The following MFN2 variants were observed in gnomAD, a reference collection of about 807,000 sequenced individuals.
MFN2 encodes the protein mitofusin-2.
A neutral mutation model predicts 87.5 loss-of-function variants in MFN2; 43 were observed. That is an observed-to-expected ratio of 0.49 (90% CI 0.38 to 0.63). The LOEUF (loss-of-function observed/expected upper bound fraction) is 0.63, where lower values mean the gene tolerates loss of function less well. Ranked by LOEUF, MFN2 falls within the 30% of genes least tolerant of loss-of-function variation. MFN2 has a pLI of 0.00. For synonymous variants in MFN2, 337 were observed against 359.9 expected (o/e 0.94, Z 0.72); for missense variants, 743 against 972.8 (o/e 0.76, Z 3.14).
At chr1:12,000,975 C>T (rs1423363890) in intron 8 of MFN2, among the ~76,000 whole-genome samples, 1 of 152,180 alleles carries the variant, frequency 6.6e-6, no homozygotes, top group Non-Finnish European at 1.5e-5. Context: ...GGACATTACA[C>T]TGTGTATGTG....
chr1:11,998,127 C>T (rs1185135952), intron 6 of MFN2, among the ~76,000 whole-genome samples: 3 of 151,612 alleles, frequency 2.0e-5, no homozygotes, highest in African/African-American at 7.3e-5. Context: ...CATGATCCGC[C>T]CACCTTAGCC....
rs561579167 is a variant in MFN2 at position 12,013,390 on chromosome 1, C to T, written c.*1825C>T. 2 of 471,258 alleles carry T rather than the reference C, an allele frequency of 4.2e-6. No homozygotes were observed. The highest frequency in any genetic ancestry group is 7.0e-5 in the East Asian group (1 of 14,386). The allele number at this position is 471,258 out of a possible 1,614,324, so 29.2% of individuals were successfully genotyped here. ...GTTTTTATGTTCATTTGCTGGAGCG[C>T]AAGACGTGCTGACACAGTGAGTTTT... On this transcript the variant is annotated 3_prime_UTR_variant, in exon 19 of 19. Coordinates refer to ENST00000235329, the MANE Select transcript of MFN2 (RefSeq NM_014874.4).
At chr1:11,995,734 C>G (rs987857507) in intron 4 of MFN2, among the ~76,000 whole-genome samples, 2 of 152,056 alleles carry the variant, frequency 1.3e-5, no homozygotes, top group Non-Finnish European at 2.9e-5. Context: ...TAAGGAGGAG[C>G]GTGATGGGAG....
rs1638663536 is a variant in MFN2, at chr1:11,991,307, G to C, written c.176-1248G>C. On this transcript the variant is annotated intron_variant, in intron 3 of 18. Coordinates refer to ENST00000235329, the MANE Select transcript of MFN2 (RefSeq NM_014874.4). ...AGCTGTACAGTTACCTTATGGTGAG[G>C]TGAGAGCTGAGATGGGAGAAGTGCA... Among the ~76,000 whole-genome samples the C allele has an allele frequency of 2.0e-5, 3 of 152,330 alleles. No homozygotes were observed. The South Asian group carries it at 6.2e-4, about 32-fold the overall frequency.
chr1:12,003,890 G>A lies in MFN2; in HGVS notation c.1161-102G>A. ...GGGTGCGTGTGTGCAGCCCTGCCAG[G>A]CAAGATAGCGGGCAGGGCGGCGTGG... On this transcript the variant is annotated intron_variant, in intron 11 of 18. Coordinates refer to ENST00000235329, the MANE Select transcript of MFN2 (RefSeq NM_014874.4). The surrounding 1 kb of genome is among the most constrained non-coding windows in gnomAD (Gnocchi z 4.1). 6.7e-7 allele frequency: 1 copy of A among 1,497,012 alleles called. No homozygotes were observed. Among genetic ancestry groups the A allele is most frequent in the African/African-American group, 1.4e-5 (1 of 72,668 alleles). 92.7% of individuals were successfully genotyped at this position (1,497,012 alleles called of 1,614,324 possible).
Position 12,013,384 on chromosome 1 carries a change from G to A in MFN2, c.*1819G>A. 2.1e-6 allele frequency: 1 copy of A among 471,370 alleles called. No homozygotes were observed. The highest frequency in any genetic ancestry group is 1.6e-5 in the South Asian group (1 of 64,400). The allele number at this position is 471,370 out of a possible 1,614,324, so 29.2% of individuals were successfully genotyped here. ...ATTGTTGTTTTTATGTTCATTTGCT[G>A]GAGCGCAAGACGTGCTGACACAGTG... is the stretch of plus-strand genomic sequence containing the variant. On this transcript the variant is annotated 3_prime_UTR_variant, in exon 19 of 19. Transcript: ENST00000235329.
chr1:12,000,382 G>T (rs1351177742), intron 8 of MFN2, among the ~76,000 whole-genome samples: 3 of 151,968 alleles, frequency 2.0e-5, no homozygotes, highest in Non-Finnish European at 2.9e-5. Flanking sequence ...TAGAGATGGG[G>T]TTTCACCATG....
At chr1:11,996,533 C>T (rs1447649774) in intron 5 of MFN2, among the ~76,000 whole-genome samples, 2 of 152,182 alleles carry the variant, frequency 1.3e-5, no homozygotes, top group African/African-American at 4.8e-5. Context: ...AATGAGGACC[C>T]TGCTGTTCCT....
At chr1:11,996,569 C>T (rs745877083) in intron 5 of MFN2, among the ~76,000 whole-genome samples, 6 of 152,178 alleles carry the variant, frequency 3.9e-5, no homozygotes, top group Non-Finnish European at 7.3e-5. Flanking sequence ...GGCCACTGAC[C>T]TCTCTTCACT....
chr1:11,998,123 C>G (rs924387103), intron 6 of MFN2, among the ~76,000 whole-genome samples: 1 of 151,170 alleles, frequency 6.6e-6, no homozygotes, highest in African/African-American at 2.4e-5. Flanking sequence ...ACCTCATGAT[C>G]CGCCCACCTT....
In MFN2 at chr1:11,992,230, G is replaced by A. The variant is rs80183036; in HGVS notation, c.176-325G>A. ...GTGTTTCAATTCGTTTGATCCTCAC[G>A]ATGTTCTCATGAAGTAGATAATGTA... On this transcript the variant is annotated intron_variant, in intron 3 of 18. Transcript: ENST00000235329. 745 of 350,468 alleles carry A rather than the reference G, an allele frequency of 2.1e-3. 12 individuals carry two copies. The East Asian group carries it at 0.033, about 15-fold the overall frequency. 21.7% of individuals were successfully genotyped at this position (350,468 alleles called of 1,614,324 possible).
rs533847698 is a variant in MFN2, at chr1:12,003,190, A to G, written c.1161-802A>G. On this transcript the variant is annotated intron_variant, in intron 11 of 18. Transcript: ENST00000235329. This position sits in a 1 kb window ranked among gnomAD's most constrained non-coding sequence, Gnocchi z 4.1. ...GGGGTGAGTTCCTAGGGGTGTGGCA[A>G]TTCTGTTTTAGGGTACACGCGTTTC... 3.3e-5 allele frequency among the ~76,000 whole-genome samples: 5 copies of G among 152,074 alleles called. No individual in the cohort carries two copies. Among genetic ancestry groups the G allele is most frequent in the African/African-American group, 1.2e-4 (5 of 41,472 alleles).
At chr1:11,988,524 C>T (rs1569799317) in intron 2 of MFN2, among the ~76,000 whole-genome samples, 1 of 151,464 alleles carries the variant, frequency 6.6e-6, no homozygotes, top group African/African-American at 2.4e-5. Context: ...TAGGTATGAG[C>T]CACTGAACCT....
In MFN2 at chr1:12,011,434, G is replaced by A. The variant is rs560389363; in HGVS notation, c.2205-62G>A. ...AAGCGTCCTTAGGATGGTGCCTGGC[G>A]GGTAGTCCTAATACTGCCTATCATC... On this transcript the variant is annotated intron_variant, in intron 18 of 18. Transcript: ENST00000235329. 59 of 1,551,646 alleles carry A rather than the reference G, an allele frequency of 3.8e-5. No homozygotes were observed. In the East Asian group the frequency reaches 9.2e-4, roughly 24 times the overall value.
intron 17 of MFN2, among the ~76,000 whole-genome samples, chr1:12,009,327 G>T (rs936106700): frequency 1.3e-5 from 2 of 152,222 alleles, no homozygotes; most frequent in African/African-American, 4.8e-5. Flanking sequence ...ATGAGCAGCA[G>T]AGTCAGGATC....
At chr1:11,983,362 C>T (rs928075452) in intron 2 of MFN2, among the ~76,000 whole-genome samples, 5 of 152,162 alleles carry the variant, frequency 3.3e-5, no homozygotes, top group African/African-American at 4.8e-5. Flanking sequence ...TGAGCCACCG[C>T]GCCTGGCCTA....
rs920358637 is a variant in MFN2 at position 12,003,431 on chromosome 1, A to G, written c.1161-561A>G. On this transcript the variant is annotated intron_variant, in intron 11 of 18. Transcript: ENST00000235329. The surrounding 1 kb of genome is among the most constrained non-coding windows in gnomAD (Gnocchi z 4.1). ...TGTAATCCCAACACTTTGGGAGGCC[A>G]AGGCGGATGGATCACCTGAGGTCAG... Among the ~76,000 whole-genome samples the G allele has an allele frequency of 3.9e-5, 6 of 152,232 alleles. No homozygotes were observed. Among genetic ancestry groups the G allele is most frequent in the African/African-American group, 1.4e-4 (6 of 41,462 alleles).
intron 4 of MFN2, among the ~76,000 whole-genome samples, chr1:11,995,431 G>A (rs1394044870): frequency 2.0e-5 from 3 of 152,010 alleles, no homozygotes; most frequent in African/African-American, 4.8e-5. Context: ...TCAGGAGTTC[G>A]CGACCAGTCT....
Position 12,003,847 on chromosome 1 carries a change from G to T in MFN2, c.1161-145G>T. On this transcript the variant is annotated intron_variant, in intron 11 of 18. Transcript: ENST00000235329. This position sits in a 1 kb window ranked among gnomAD's most constrained non-coding sequence, Gnocchi z 4.1. ...GCAGGGTCCTCTTCTTACCTGGGAAGGGGAAGGCCATGCCCCTGGGTGCGT... is the reference window on the plus strand; with the variant it reads ...GCAGGGTCCTCTTCTTACCTGGGAATGGGAAGGCCATGCCCCTGGGTGCGT... 1 of 1,033,672 alleles carries T rather than the reference G, an allele frequency of 9.7e-7. No homozygotes were observed. The highest frequency in any genetic ancestry group is 1.5e-6 in the Non-Finnish European group (1 of 669,038). The allele number at this position is 1,033,672 out of a possible 1,614,324, so 64.0% of individuals were successfully genotyped here. A position where few individuals can be genotyped will look rare whatever the true frequency, so the allele number is the denominator to read the frequency against.
Sources: allele counts gnomAD v4.1 joint callset (sites outside exome capture counted in the v4.1 genomes callset), GRCh38; gene constraint gnomAD v4.1.1; non-coding constraint Gnocchi (gnomAD v3.1); transcripts MANE v1.5; gene names NCBI Gene and HGNC (gene_info 2026-07-23, HGNC 2026-07-21).